Variants in SBF2 observed in about 807,000 individuals in gnomAD.
The protein encoded by SBF2 is myotubularin-related protein 13.
SBF2 carries 112 observed loss-of-function variants against 225.2 expected under a neutral mutation model. The ratio of observed to expected loss-of-function variants is 0.50; its 90% confidence interval spans 0.43 to 0.58. SBF2 has a LOEUF of 0.58. Ranked by LOEUF, SBF2 falls within the 20% of genes least tolerant of loss-of-function variation. SBF2 has a pLI of 0.00. For synonymous variants in SBF2, 763 were observed against 773.3 expected (o/e 0.99, Z 0.22); for missense variants, 1,996 against 2,206.2 (o/e 0.90, Z 1.91).
chr11:9,785,918 G>A (rs1047310731), intron 36 of SBF2, among the ~76,000 whole-genome samples: 9 of 151,978 alleles, frequency 5.9e-5, no homozygotes, highest in African/African-American at 2.2e-4. Flanking sequence ...CCAGGCTGGA[G>A]TACAGTGGCA....
intron 2 of SBF2, among the ~76,000 whole-genome samples, chr11:10,172,795 T>A (rs1166490208): frequency 2.0e-5 from 3 of 152,160 alleles, no homozygotes; most frequent in Non-Finnish European, 1.5e-5. Context: ...GCCTCCCGAG[T>A]AGCTGGGATT....
At chr11:10,113,018 G>A (rs1952952763) in intron 2 of SBF2, among the ~76,000 whole-genome samples, 1 of 152,130 alleles carries the variant, frequency 6.6e-6, no homozygotes, top group African/African-American at 2.4e-5. Context: ...TTTTGAGACA[G>A]GGTCTCACTC....
chr11:10,281,222 T>C (rs1215591338), intron 1 of SBF2, among the ~76,000 whole-genome samples: 1 of 152,194 alleles, frequency 6.6e-6, no homozygotes, highest in Non-Finnish European at 1.5e-5. Context: ...ACAATCCCAC[T>C]ATAAGTCATT....
intron 2 of SBF2, among the ~76,000 whole-genome samples, chr11:10,165,296 A>G (rs574374899): frequency 6.6e-6 from 1 of 152,334 alleles, no homozygotes; most frequent in South Asian, 2.1e-4. Context: ...TGCTATTGGT[A>G]TTTGAAGCTT....
At chr11:9,973,499 C>T (rs1470840669) in intron 13 of SBF2, among the ~76,000 whole-genome samples, 1 of 152,200 alleles carries the variant, frequency 6.6e-6, no homozygotes, top group Non-Finnish European at 1.5e-5. Flanking sequence ...AAGAGTTTGG[C>T]AGAATGCACT....
chr11:10,264,689 C>T (rs1737464470), intron 1 of SBF2, among the ~76,000 whole-genome samples: 1 of 152,134 alleles, frequency 6.6e-6, no homozygotes, highest in Non-Finnish European at 1.5e-5. Context: ...CACCTATCAA[C>T]TCGTCACCTA....
chr11:10,178,053 T>C lies in SBF2; in HGVS notation c.141+15849A>G, dbSNP rs1295761623. 2.4e-4 allele frequency among the ~76,000 whole-genome samples: 35 copies of C among 147,010 alleles called. 8 individuals are homozygous for C. In the East Asian group the frequency reaches 7.3e-3, roughly 30 times the overall value. On this transcript the variant is annotated intron_variant, in intron 2 of 39. Coordinates refer to ENST00000256190, the MANE Select transcript of SBF2 (RefSeq NM_030962.4). ...AAATAACACCACATATCTACAACTA[T>C]CTGATCTTTGACAAACCTGAGAAAA...
chr11:9,913,149 T>C (rs1049766431), intron 16 of SBF2, among the ~76,000 whole-genome samples: 4 of 152,138 alleles, frequency 2.6e-5, no homozygotes, highest in African/African-American at 9.7e-5. Flanking sequence ...CTCGGTGTGG[T>C]GGCATGTGCC....
chr11:10,163,270 T>C (rs1387112327), intron 2 of SBF2, among the ~76,000 whole-genome samples: 1 of 152,148 alleles, frequency 6.6e-6, no homozygotes, highest in Non-Finnish European at 1.5e-5. Context: ...CTCTCTCACA[T>C]CCCTAAAATA....
intron 1 of SBF2, among the ~76,000 whole-genome samples, chr11:10,260,744 G>A (rs1211713019): frequency 6.6e-6 from 1 of 151,192 alleles, no homozygotes; most frequent in African/African-American, 2.4e-5. Context: ...AGATGGGCGA[G>A]GTGGTGTGCA....
chr11:9,864,874 C>T (rs912931925), intron 17 of SBF2, among the ~76,000 whole-genome samples: 1 of 152,004 alleles, frequency 6.6e-6, no homozygotes, highest in African/African-American at 2.4e-5. Flanking sequence ...AAGATATAAT[C>T]TAAATTCTCC....
chr11:9,812,564 T>A lies in SBF2; in HGVS notation c.4123A>T (p.Lys1375Ter). 1 of 1,614,222 alleles carries A rather than the reference T, an allele frequency of 6.2e-7. No individual in the cohort carries two copies. Among genetic ancestry groups the A allele is most frequent in the Non-Finnish European group, 8.5e-7 (1 of 1,180,040 alleles). Reference protein sequence around the residue: ...IPTDSEVTFLKALGDSEWFPQ... With the variant: ...IPTDSEVTFL Reference sequence around the variant, plus strand: ...AACCACTCAGAATCTCCCAGCGCTTTCAGGAAGGTCACTTCTGAGTCAGTA... The same window carrying A: ...AACCACTCAGAATCTCCCAGCGCTTACAGGAAGGTCACTTCTGAGTCAGTA... Residue 1375 changes from lysine to a stop codon, truncating the protein, a stop_gained, in exon 30 of 40, where the codon AAA becomes TAA. Transcript: ENST00000256190. LOFTEE classifies it high-confidence loss of function.
At chr11:10,084,824 C>T (rs761808234) in intron 2 of SBF2, among the ~76,000 whole-genome samples, 6 of 152,172 alleles carry the variant, frequency 3.9e-5, no homozygotes, top group Non-Finnish European at 8.8e-5. Flanking sequence ...AGTGAAATAA[C>T]TCAGAAACAG....
At chr11:9,882,545 A>AC (rs1859861992) in intron 17 of SBF2, among the ~76,000 whole-genome samples, 1 of 152,156 alleles carries the variant, frequency 6.6e-6, no homozygotes, top group Non-Finnish European at 1.5e-5. Context: ...ATGGTGGCTC[A>AC]TGTCTGTAAT....
At chr11:10,269,206 T>C (rs1962263880) in intron 1 of SBF2, among the ~76,000 whole-genome samples, 1 of 152,222 alleles carries the variant, frequency 6.6e-6, no homozygotes, top group Admixed American at 6.5e-5. Context: ...CTTTTCATTT[T>C]TTGACTATCC....
chr11:9,796,738 G>A (rs1180699564), intron 32 of SBF2, among the ~76,000 whole-genome samples: 1 of 152,180 alleles, frequency 6.6e-6, no homozygotes, highest in African/African-American at 2.4e-5. Context: ...GATAGTTCAA[G>A]TGCCAAGGGA....
At chr11:9,921,746 G>A (rs1863649158) in intron 16 of SBF2, among the ~76,000 whole-genome samples, 1 of 152,182 alleles carries the variant, frequency 6.6e-6, no homozygotes, top group Admixed American at 6.5e-5. Context: ...CAGTAAGTAT[G>A]AGCCCAGTGC....
intron 2 of SBF2, among the ~76,000 whole-genome samples, chr11:10,061,074 T>A (rs1480118505): frequency 6.6e-6 from 1 of 151,964 alleles, no homozygotes; most frequent in Non-Finnish European, 1.5e-5. Context: ...ATGTGATTCA[T>A]AATATAAACA....
intron 16 of SBF2, among the ~76,000 whole-genome samples, chr11:9,936,190 A>G (rs374198579): frequency 6.6e-6 from 1 of 152,246 alleles, no homozygotes; most frequent in African/African-American, 2.4e-5. Context: ...CAGCCAACAG[A>G]CTTATGAAAG....
Sources: gnomAD v4.1 joint callset for allele counts (sites outside exome capture counted in the v4.1 genomes callset) on GRCh38, gnomAD v4.1.1 for gene constraint, MANE v1.5 for transcripts, NCBI Gene and HGNC (gene_info 2026-07-23, HGNC 2026-07-21) for gene names.